The following AP3B1 variants were observed in gnomAD, a reference collection of about 807,000 sequenced individuals.
AP3B1 encodes the protein AP-3 complex subunit beta-1.
In AP3B1, 61 loss-of-function variants were observed where a neutral mutation model predicts 132.5. The observed-to-expected ratio is 0.46, with a 90% CI of 0.37 to 0.57. The LOEUF is 0.57. Ranked by LOEUF, AP3B1 falls within the 20% of genes least tolerant of loss-of-function variation. The pLI is 0.00. For synonymous variants in AP3B1, 388 were observed against 438.3 expected, an observed-to-expected ratio of 0.89 and a Z score of 1.43; for missense variants, 1,120 against 1,289.4, an observed-to-expected ratio of 0.87 and a Z score of 2.01.
chr5:78,160,939 T>C (rs1322705997), intron 13 of AP3B1, among the ~76,000 whole-genome samples: 1 of 152,034 alleles, frequency 6.6e-6, no homozygotes, highest in Non-Finnish European at 1.5e-5. Context: ...TATGGGCTAA[T>C]GATGATTATG....
chr5:78,287,001 A>ATT (rs1223023072), intron 1 of AP3B1, among the ~76,000 whole-genome samples: 1 of 152,248 alleles, frequency 6.6e-6, no homozygotes, highest in Non-Finnish European at 1.5e-5. Context: ...TAGTTCATTT[A>ATT]TATACACAAG....
At chr5:78,256,135 C>T (rs759015043) in intron 2 of AP3B1, among the ~76,000 whole-genome samples, 3 of 150,886 alleles carry the variant, frequency 2.0e-5, no homozygotes, top group African/African-American at 4.9e-5. Flanking sequence ...CAGGAGTGAA[C>T]AAAACACAAA....
At chr5:78,031,042 T>A (rs558395077) in intron 24 of AP3B1, among the ~76,000 whole-genome samples, 6 of 152,344 alleles carry the variant, frequency 3.9e-5, no homozygotes, top group African/African-American at 1.4e-4. Flanking sequence ...TTTTCTTTCC[T>A]GCCAGAGCTC....
chr5:78,103,123 T>C (rs948247613), intron 20 of AP3B1, among the ~76,000 whole-genome samples: 1 of 152,206 alleles, frequency 6.6e-6, no homozygotes, highest in African/African-American at 2.4e-5. Context: ...GTGTTTGGTA[T>C]TCCTCTTATA....
At chr5:78,193,770 A>ATATATATATATATATATATATTTTTTT in intron 7 of AP3B1, among the ~76,000 whole-genome samples, 2 of 67,214 alleles carry the variant, frequency 3.0e-5, no homozygotes, top group Non-Finnish European at 6.4e-5. Context: ...ATATATATAT[A>ATATATATATATATATATATATTTTTTT]TTTTTTTTTT....
At chr5:78,178,204 A>T (rs1744228699) in intron 8 of AP3B1, among the ~76,000 whole-genome samples, 1 of 152,244 alleles carries the variant, frequency 6.6e-6, no homozygotes, top group African/African-American at 2.4e-5. Context: ...AAAACTCAGC[A>T]CATTTAAGTT....
chr5:78,164,406 C>A (rs574744502), intron 12 of AP3B1, among the ~76,000 whole-genome samples: 13 of 152,016 alleles, frequency 8.6e-5, no homozygotes, highest in South Asian at 8.3e-4. Flanking sequence ...TCTATACAAC[C>A]CATTCCATAA....
intron 26 of AP3B1, among the ~76,000 whole-genome samples, chr5:78,011,370 T>C (rs1561351943): frequency 6.6e-6 from 1 of 152,078 alleles, no homozygotes. Context: ...AATAAGATGA[T>C]TTTGTTCTCC....
intron 26 of AP3B1, among the ~76,000 whole-genome samples, chr5:78,012,914 C>A (rs1430468755): frequency 1.3e-5 from 2 of 152,164 alleles, no homozygotes; most frequent in Non-Finnish European, 2.9e-5. Context: ...CATTCCAAAC[C>A]AGCAAGACAA....
intron 22 of AP3B1, among the ~76,000 whole-genome samples, chr5:78,039,504 G>A (rs1747960393): frequency 1.3e-5 from 2 of 152,066 alleles, no homozygotes; most frequent in Admixed American, 6.5e-5. Flanking sequence ...GGCTGGGCGC[G>A]GTGGCTCACG....
At chr5:78,198,041 G>A (rs749368873) in intron 7 of AP3B1, among the ~76,000 whole-genome samples, 3 of 152,138 alleles carry the variant, frequency 2.0e-5, no homozygotes, top group Non-Finnish European at 2.9e-5. Flanking sequence ...ATTAAAAATG[G>A]TAGAGCCAGG....
intron 2 of AP3B1, among the ~76,000 whole-genome samples, chr5:78,256,152 A>G (rs1747837969): frequency 6.6e-6 from 1 of 152,030 alleles, no homozygotes; most frequent in Non-Finnish European, 1.5e-5. Flanking sequence ...CAAAATTAGT[A>G]GAAGAAAAGA....
At chr5:78,156,084 C>T (rs555157643) in intron 14 of AP3B1, among the ~76,000 whole-genome samples, 174 bp downstream of exon 14, 1 of 152,314 alleles carries the variant, frequency 6.6e-6, no homozygotes, top group African/African-American at 2.4e-5. Flanking sequence ...TCTATCCTTT[C>T]CCCTATTCAG....
chr5:78,119,636 G>C (rs1752062293), intron 17 of AP3B1, among the ~76,000 whole-genome samples: 1 of 152,126 alleles, frequency 6.6e-6, no homozygotes, highest in Non-Finnish European at 1.5e-5. Flanking sequence ...GGGAAGTTTA[G>C]AGAAAAAAGA....
chr5:78,192,751 G>A (rs1162302371), intron 7 of AP3B1, among the ~76,000 whole-genome samples: 1 of 152,176 alleles, frequency 6.6e-6, no homozygotes, highest in Non-Finnish European at 1.5e-5. Flanking sequence ...TCTCATAAAT[G>A]GAATTAGTGG....
intron 3 of AP3B1, among the ~76,000 whole-genome samples, chr5:78,237,665 T>G (rs898076108): frequency 6.6e-6 from 1 of 151,336 alleles, no homozygotes; most frequent in Non-Finnish European, 1.5e-5. Context: ...AAAAATAAAT[T>G]AGATGGGCAT....
intron 22 of AP3B1, among the ~76,000 whole-genome samples, chr5:78,053,988 C>T (rs956529054): frequency 2.0e-5 from 3 of 152,150 alleles, no homozygotes; most frequent in Non-Finnish European, 4.4e-5. Flanking sequence ...GTTTTACTAG[C>T]CTTGTAACAC....
chr5:78,265,351 G>C (rs1748276945), intron 2 of AP3B1, among the ~76,000 whole-genome samples: 1 of 152,090 alleles, frequency 6.6e-6, no homozygotes, highest in Non-Finnish European at 1.5e-5. Context: ...GCTGAGGTGG[G>C]AGGATCGCTT....
intron 2 of AP3B1, among the ~76,000 whole-genome samples, chr5:78,262,683 C>T (rs1185201949): frequency 7.0e-6 from 1 of 143,772 alleles, no homozygotes; most frequent in South Asian, 2.2e-4. Context: ...CAATTTTGTT[C>T]TTTTTTTTTT....
Sources: gnomAD v4.1 joint callset for allele counts (sites outside exome capture counted in the v4.1 genomes callset) on GRCh38, gnomAD v4.1.1 for gene constraint, MANE v1.5 for transcripts, NCBI Gene and HGNC (gene_info 2026-07-23, HGNC 2026-07-21) for gene names.